The following GTPBP6 variants were observed in gnomAD, a reference collection of about 807,000 sequenced individuals.
GTPBP6 encodes putative GTP-binding protein 6.
In GTPBP6, 33 loss-of-function variants were observed where a neutral mutation model predicts 28.9. The observed-to-expected ratio is 1.14, with a 90% CI of 0.87 to 1.53. GTPBP6 has a LOEUF of 1.53. Ranked by LOEUF, GTPBP6 falls within the 40% of genes most tolerant of loss-of-function variation. The probability of loss-of-function intolerance (pLI) is 0.00; values close to 1 mark genes in which losing one functional copy is unlikely to be tolerated. For synonymous variants in GTPBP6, 231 were observed against 192.7 expected (o/e 1.20, Z -1.65); for missense variants, 507 against 408.3 (o/e 1.24, Z -2.08).
chrX:305,261 A>G, intron 9 of GTPBP6, 64 bp from the exon 10 acceptor site: 3 of 1,223,088 alleles, frequency 2.5e-6, no homozygotes, highest in Non-Finnish European at 3.6e-6. Context: ...TAGTTTCATG[A>G]TAAATAATTA....
intron 6 of GTPBP6, chrX:311,886 G>A: frequency 1.7e-6 from 1 of 604,164 alleles, no homozygotes; most frequent in Non-Finnish European, 3.0e-6. Context: ...TGCGTGTGAA[G>A]GCGTGGATGG....
At chrX:317,367 G>T (rs1429614936) in intron 1 of GTPBP6, among the ~76,000 whole-genome samples, 2 of 152,174 alleles carry the variant, frequency 1.3e-5, no homozygotes, top group Middle Eastern at 3.4e-3. Context: ...GCAGGTTTGG[G>T]GAGTAGAGAG....
intron 2 of GTPBP6, among the ~76,000 whole-genome samples, chrX:316,338 G>C (rs2070440021): frequency 4.3e-5 from 2 of 46,022 alleles, no homozygotes; most frequent in East Asian, 6.6e-4. Flanking sequence ...CATCCCATTG[G>C]GGACACACAC....
At chrX:304,881 C>A in exon 10 of GTPBP6, 1 of 1,437,240 alleles carries the variant, frequency 7.0e-7, no homozygotes, top group Admixed American at 2.9e-5. Flanking sequence ...TCGGGCGGCC[C>A]GCTTTGGGGC....
At chrX:311,942 ATGGTGTAGGTGGGGTGGTGGTGC>A in intron 6 of GTPBP6, 1 of 572,490 alleles carries the variant, frequency 1.7e-6, no homozygotes, top group South Asian at 1.9e-5. Context: ...AGATGGTGGG[ATGGTGTAGGTGGGGTGGTGGTGC>A]TGGTGTGGAT....
At chrX:313,246 G>GT (rs1214226244) in intron 5 of GTPBP6, among the ~76,000 whole-genome samples, 2 of 152,250 alleles carry the variant, frequency 1.3e-5, no homozygotes, top group African/African-American at 2.4e-5. Flanking sequence ...AGCGGGCTCA[G>GT]TGGGGCCCCT....
chrX:305,066 G>A (rs1187296424), exon 10 of GTPBP6: 1 of 1,612,118 alleles, frequency 6.2e-7, no homozygotes, highest in Non-Finnish European at 8.5e-7. Flanking sequence ...GCCTCTGTGG[G>A]CGTCCGTTCA....
At chrX:307,978 C>T (rs1032010780) in intron 7 of GTPBP6, 98 bp from the exon 8 acceptor site, 298 of 1,122,716 alleles carry the variant, frequency 2.7e-4, no homozygotes, top group Non-Finnish European at 3.3e-4. Context: ...GAGCTCCCAA[C>T]GACAGGCTGG....
chrX:308,003 C>T, intron 7 of GTPBP6, 123 bp from the exon 8 acceptor site: 4 of 871,240 alleles, frequency 4.6e-6, no homozygotes, highest in South Asian at 5.6e-5. Flanking sequence ...GGGAGGTACG[C>T]CTGTGTGCAG....
intron 4 of GTPBP6, among the ~76,000 whole-genome samples, 196 bp downstream of exon 4, chrX:314,694 T>C (rs1468248837): frequency 3.9e-5 from 6 of 152,008 alleles, no homozygotes; most frequent in Admixed American, 3.3e-4. Context: ...GCCAGGATGG[T>C]CTCGATCTCG....
At chrX:308,784 G>C (rs2070225816) in intron 7 of GTPBP6, among the ~76,000 whole-genome samples, 1 of 147,972 alleles carries the variant, frequency 6.8e-6, no homozygotes, top group Non-Finnish European at 1.5e-5. Flanking sequence ...ACACAGGCTG[G>C]AGTGCAGTGG....
chrX:307,582 A>G, intron 8 of GTPBP6, 70 bp from the exon 9 acceptor site: 1 of 1,536,548 alleles, frequency 6.5e-7, no homozygotes, highest in Middle Eastern at 2.4e-4. Flanking sequence ...GGTCCCCAGG[A>G]GTCCACTGCC....
At chrX:308,496 G>A (rs2070219646) in intron 7 of GTPBP6, among the ~76,000 whole-genome samples, 1 of 152,058 alleles carries the variant, frequency 6.6e-6, no homozygotes. Context: ...GCCTGGGCAA[G>A]AGAGTGAGGC....
In GTPBP6 at chrX:314,618, GCC is replaced by G. The variant is rs1483349366; in HGVS notation, c.689+270_689+271del. On this transcript the variant is annotated intron_variant, in intron 4 of 9. Transcript: ENST00000326153. ...CTCCTGAGTAGCTGGGATTTCAGGC[GCC>G]CGCCACCACGCCCGGCTAATTTTTT... 3.9e-5 allele frequency among the ~76,000 whole-genome samples: 6 copies of G among 151,930 alleles called. 1 individual carries two copies. Among genetic ancestry groups the G allele is most frequent in the South Asian group, 2.1e-4 (1 of 4,824 alleles).
At chrX:318,167 C>G (rs2070475157) in intron 1 of GTPBP6, among the ~76,000 whole-genome samples, 1 of 149,192 alleles carries the variant, frequency 6.7e-6, no homozygotes. Flanking sequence ...TACCTATGAG[C>G]CTCCCCAGAG....
intron 6 of GTPBP6, 98 bp from the exon 7 acceptor site, chrX:311,725 G>C: frequency 2.0e-6 from 2 of 989,068 alleles, no homozygotes; most frequent in Non-Finnish European, 1.6e-6. Flanking sequence ...GGCACCCTCT[G>C]GGGGGCCGCA....
At chrX:306,454 CCA>C (rs1243555320) in intron 9 of GTPBP6, among the ~76,000 whole-genome samples, 3 of 139,692 alleles carry the variant, frequency 2.1e-5, no homozygotes, top group African/African-American at 6.0e-5. Context: ...CCTGTTGTAT[CCA>C]CAGTCAGAAA....
chrX:314,251 G>C (rs750320117), intron 4 of GTPBP6, 34 bp from the exon 5 acceptor site: 1 of 1,559,954 alleles, frequency 6.4e-7, no homozygotes, highest in South Asian at 1.1e-5. Context: ...CGGTCTCTGC[G>C]GACGCTGTCT....
chrX:315,100 T>A, intron 3 of GTPBP6, 80 bp from the exon 4 acceptor site: 1 of 398,690 alleles, frequency 2.5e-6, no homozygotes, highest in South Asian at 1.3e-4. Context: ...GGAGGACGTC[T>A]CTAATGCCTT....
Sources: allele counts gnomAD v4.1 joint callset (sites outside exome capture counted in the v4.1 genomes callset), GRCh38; gene constraint gnomAD v4.1.1; transcripts MANE v1.5; gene names NCBI Gene and HGNC (gene_info 2026-07-23, HGNC 2026-07-21).